The following THRAP3 variants were observed in gnomAD, a reference collection of about 807,000 sequenced individuals.
THRAP3 encodes thyroid hormone receptor-associated protein 3.
In THRAP3, 16 loss-of-function variants were observed where a neutral mutation model predicts 101.0. That is an observed-to-expected ratio of 0.16 (90% CI 0.11 to 0.24). The LOEUF (loss-of-function observed/expected upper bound fraction) is 0.24, where lower values mean the gene tolerates loss of function less well. Among genes scored for constraint, THRAP3 ranks in the 10% least tolerant of loss-of-function variants. The pLI, the probability that THRAP3 is intolerant of heterozygous loss-of-function variation, is 1.00. For missense variants in THRAP3, 989 were observed against 1,202.7 expected (o/e 0.82, Z 2.63); for synonymous variants, 407 against 422.6 (o/e 0.96, Z 0.45).
At chr1:36,262,140 T>G (rs1645454416) in intron 2 of THRAP3, among the ~76,000 whole-genome samples, 1 of 152,262 alleles carries the variant, frequency 6.6e-6, no homozygotes, top group Non-Finnish European at 1.5e-5. Context: ...ATATATCCAG[T>G]ACATTCTTAT....
intron 9 of THRAP3, 110 bp downstream of exon 9, chr1:36,296,880 C>A: frequency 1.3e-6 from 1 of 790,852 alleles, no homozygotes; most frequent in Non-Finnish European, 1.8e-6. Context: ...GTAATTATAG[C>A]AACCTGTTTC....
Position 36,289,290 on chromosome 1 carries a change from A to T in THRAP3, c.1271A>T (p.Asp424Val). ...LRDDFEKKMA[D>V]FHKEEMDDQD... ...GATGACTTTGAGAAGAAGATGGCTG[A>T]CTTCCACAAGGAGGAGATGGATGAT... Residue 424 changes from aspartate to valine, a missense_variant, in exon 5 of 12, where the codon GAC (aspartate) becomes GTC (valine). Physicochemically the swap from Asp to Val is radical, Grantham distance 152. Coordinates refer to ENST00000354618, the MANE Select transcript of THRAP3 (RefSeq NM_005119.4). 6.2e-7 allele frequency: 1 copy of T among 1,614,172 alleles called. No individual in the cohort carries two copies. The highest frequency in any genetic ancestry group is 8.5e-7 in the Non-Finnish European group (1 of 1,180,014).
chr1:36,295,296 T>A (rs915226133), intron 8 of THRAP3, among the ~76,000 whole-genome samples: 1 of 152,164 alleles, frequency 6.6e-6, no homozygotes, highest in African/African-American at 2.4e-5. Context: ...ACTTTTTTTT[T>A]TAAAAGTTTA....
At chr1:36,257,002 G>C (rs6675795) in intron 1 of THRAP3, among the ~76,000 whole-genome samples, 30,306 of 151,828 alleles carry the variant, frequency 0.2, 3,246 homozygotes, top group Non-Finnish European at 0.24. Flanking sequence ...TCTCCATGTT[G>C]GTCAGGCTGG....
At chr1:36,237,229 A>G (rs1233318598) in intron 1 of THRAP3, among the ~76,000 whole-genome samples, 1 of 152,166 alleles carries the variant, frequency 6.6e-6, no homozygotes, top group East Asian at 1.9e-4. Flanking sequence ...ACACTTCAGG[A>G]GGCTGAGGCA....
In THRAP3 at chr1:36,254,686, G is replaced by A. The variant is rs909378518; in HGVS notation, c.-134-4696G>A. Among the ~76,000 whole-genome samples the A allele has an allele frequency of 5.9e-5, 9 of 152,220 alleles. No individual in the cohort carries two copies. In the East Asian group the frequency reaches 1.2e-3, roughly 20 times the overall value. On this transcript the variant is annotated intron_variant, in intron 1 of 11. Transcript: ENST00000354618. Reference sequence around the variant, plus strand: ...GACTGTTCCTATAAAATTGTTTATGGGTGTGTAAATTGGAATTTCCCCAGC... The same window carrying A: ...GACTGTTCCTATAAAATTGTTTATGAGTGTGTAAATTGGAATTTCCCCAGC...
chr1:36,292,558 C>A, intron 6 of THRAP3, 40 bp from the exon 7 acceptor site: 1 of 1,527,134 alleles, frequency 6.5e-7, no homozygotes, highest in Non-Finnish European at 9.0e-7. Context: ...GCTTGAGCCA[C>A]CATGCCTGGC....
At chr1:36,264,347 C>T (rs1570288338) in intron 2 of THRAP3, among the ~76,000 whole-genome samples, 1 of 152,210 alleles carries the variant, frequency 6.6e-6, no homozygotes, top group African/African-American at 2.4e-5. Flanking sequence ...CCTTAATTCT[C>T]CTGGCAGTCC....
the THRAP3 span, among the ~76,000 whole-genome samples, chr1:36,218,898 T>G: frequency 2.0e-5 from 3 of 151,760 alleles, no homozygotes; most frequent in Non-Finnish European, 4.4e-5. Context: ...CCAAGTGCAG[T>G]GGCGGGCGCC....
chr1:36,227,567 G>A (rs1203574404), intron 1 of THRAP3, among the ~76,000 whole-genome samples: 1 of 152,144 alleles, frequency 6.6e-6, no homozygotes, highest in Non-Finnish European at 1.5e-5. Context: ...ACAGGCATAA[G>A]CTACTGCGCC....
chr1:36,301,803 C>T, intron 11 of THRAP3, 107 bp downstream of exon 11: 1 of 1,356,108 alleles, frequency 7.4e-7, no homozygotes, highest in South Asian at 1.4e-5. Context: ...AATGTACGTG[C>T]AGGATTATTG....
chr1:36,268,628 T>C (rs1267099060), intron 2 of THRAP3, among the ~76,000 whole-genome samples: 1 of 152,062 alleles, frequency 6.6e-6, no homozygotes, highest in Non-Finnish European at 1.5e-5. Context: ...TCAGCTTCCA[T>C]AGTACGAGGG....
At chr1:36,243,158 T>C (rs1023849489) in intron 1 of THRAP3, among the ~76,000 whole-genome samples, 9 of 144,316 alleles carry the variant, frequency 6.2e-5, no homozygotes, top group Non-Finnish European at 1.0e-4. Flanking sequence ...TTTCTTTTTT[T>C]TTTTTTTTTT....
rs1645835056 is a variant in THRAP3 at position 36,289,301 on chromosome 1, G to A, written c.1282G>A (p.Glu428Lys). The stretch of plus-strand genomic sequence containing the variant: ...GAAGAAGATGGCTGACTTCCACAAG[G>A]AGGAGATGGATGATCAAGATAAGGA... ...FEKKMADFHK[E>K]EMDDQDKDKA... is the part of the protein sequence containing the mutation. Residue 428 changes from glutamate (E) to lysine (K), a missense_variant, in exon 5 of 12, where the codon GAG becomes AAG. Physicochemically the swap from Glu to Lys is moderately conservative, Grantham distance 56 (BLOSUM62 1). Transcript: ENST00000354618. 2 of 1,614,014 alleles carry A rather than the reference G, an allele frequency of 1.2e-6. No individual in the cohort carries two copies. The highest frequency in any genetic ancestry group is 1.7e-6 in the Non-Finnish European group (2 of 1,180,034).
chr1:36,295,293 T>C (rs563971729), intron 8 of THRAP3, among the ~76,000 whole-genome samples: 5 of 152,282 alleles, frequency 3.3e-5, no homozygotes, highest in Admixed American at 6.5e-5. Flanking sequence ...TAAACTTTTT[T>C]TTTTAAAAGT....
At chr1:36,265,315 T>A (rs1645499378) in intron 2 of THRAP3, among the ~76,000 whole-genome samples, 1 of 152,176 alleles carries the variant, frequency 6.6e-6, no homozygotes, top group Non-Finnish European at 1.5e-5. Flanking sequence ...TTGGAAAAGG[T>A]CTTACTAGTA....
chr1:36,255,251 G>A (rs1645358027), intron 1 of THRAP3, among the ~76,000 whole-genome samples: 1 of 152,052 alleles, frequency 6.6e-6, no homozygotes, highest in Non-Finnish European at 1.5e-5. Context: ...TGCTTGTTAC[G>A]CCTGGTGGTT....
intron 2 of THRAP3, among the ~76,000 whole-genome samples, chr1:36,269,508 T>G (rs1328589088): frequency 6.6e-6 from 1 of 152,216 alleles, no homozygotes; most frequent in Non-Finnish European, 1.5e-5. Context: ...GGTTGTACTT[T>G]GGAGTTTACT....
At chr1:36,232,392 A>C (rs1005638301) in intron 1 of THRAP3, among the ~76,000 whole-genome samples, 1 of 152,142 alleles carries the variant, frequency 6.6e-6, no homozygotes, top group Non-Finnish European at 1.5e-5. Flanking sequence ...TATCTATTAC[A>C]TTGGGAAATG....
Sources: allele counts gnomAD v4.1 joint callset (sites outside exome capture counted in the v4.1 genomes callset), GRCh38; gene constraint gnomAD v4.1.1; transcripts MANE v1.5; gene names NCBI Gene and HGNC (gene_info 2026-07-23, HGNC 2026-07-21).